The following FCRL5 variants were observed in gnomAD, a reference collection of about 807,000 sequenced individuals.
FCRL5 encodes the protein Fc receptor like 5, also known as Fc receptor-like protein 5.
A neutral mutation model predicts 92.1 loss-of-function variants in FCRL5; 79 were observed. The observed-to-expected ratio is 0.86, with a 90% CI of 0.72 to 1.03. The LOEUF (loss-of-function observed/expected upper bound fraction) is 1.03. Among genes scored for constraint, FCRL5 ranks in the 50% least tolerant of loss-of-function variants. FCRL5 has a pLI of 0.00. For synonymous variants in FCRL5, 466 were observed against 469.3 expected (o/e 0.99, Z 0.09); for missense variants, 1,160 against 1,181.1 (o/e 0.98, Z 0.26).
chr1:157,534,835 C>T lies in FCRL5; in HGVS notation c.1460G>A (p.Gly487Glu). 3 of 1,591,068 alleles carry T rather than the reference C, an allele frequency of 1.9e-6. No homozygotes were observed. The highest frequency in any genetic ancestry group is 1.3e-5 in the African/African-American group (1 of 74,412). The change falls in exon 8 of 17, where the codon GGA becomes GAA. Residue 487 changes from glycine to glutamate, a missense_variant. Transcript: ENST00000361835. ...TTCACAGTGAAGTGTCACAGTGGCT[C>T]CTTCAAAAGTCAGGGCCTCAGCAGA... is the stretch of plus-strand genomic sequence containing the variant. ...LSSAEALTFEGATVTLHCEVQ... is the reference protein window; with the variant it reads ...LSSAEALTFEEATVTLHCEVQ...
At chr1:157,528,062 G>A (rs191938074) in intron 8 of FCRL5, 167 bp from the exon 9 acceptor site, 57 of 750,706 alleles carry the variant, frequency 7.6e-5, no homozygotes, top group African/African-American at 6.8e-4. Context: ...GTATACCTAG[G>A]AAACCCTAAA....
rs535135798 is a variant in FCRL5, at chr1:157,527,892, G to A, written c.1685C>T (p.Pro562Leu). 1 of 1,560,084 alleles carries A rather than the reference G, an allele frequency of 6.4e-7. No homozygotes were observed. The highest frequency in any genetic ancestry group is 1.4e-5 in the African/African-American group (1 of 72,904). Reference protein sequence around the residue: ...SEVVSLFVTVPVSRPILTLRV... With the variant: ...SEVVSLFVTVLVSRPILTLRV... ...GAGGGTGAGGATGGGGCGAGACACT[G>A]GAACTGAGAGAGAAAATGAGTTAGG... Residue 562 changes from proline (P) to leucine (L), a missense_variant, in exon 9 of 17, where the codon CCA becomes CTA. Physicochemically the swap from Pro to Leu is moderately conservative, Grantham distance 98. Coordinates refer to ENST00000361835, the MANE Select transcript of FCRL5 (RefSeq NM_031281.3).
Position 157,527,883 on chromosome 1 carries a change from C to T in FCRL5, c.1694G>A (p.Arg565His), listed in dbSNP as rs376321602. ...GGGAACCCTGAGGGTGAGGATGGGGCGAGACACTGGAACTGAGAGAGAAAA... is the reference window on the plus strand; with the variant it reads ...GGGAACCCTGAGGGTGAGGATGGGGTGAGACACTGGAACTGAGAGAGAAAA... Reference protein sequence around the residue: ...VSLFVTVPVSRPILTLRVPRA... With the variant: ...VSLFVTVPVSHPILTLRVPRA... Residue 565 changes from arginine to histidine, a missense_variant, in exon 9 of 17, where the codon CGC becomes CAC. By Grantham distance (29) the Arg-to-His change is conservative. Transcript: ENST00000361835. 7.3e-5 allele frequency: 115 copies of T among 1,579,862 alleles called. 1 individual carries two copies. The East Asian group carries it at 7.4e-4, about 10-fold the overall frequency.
intron 7 of FCRL5, among the ~76,000 whole-genome samples, chr1:157,535,838 C>T (rs1170188399): frequency 6.6e-6 from 1 of 151,906 alleles, no homozygotes; most frequent in Non-Finnish European, 1.5e-5. Context: ...TTGAGTCACA[C>T]AGCTAGTAAG....
chr1:157,520,357 G>A (rs566644894), intron 12 of FCRL5, 74 bp downstream of exon 12: 1 of 1,059,944 alleles, frequency 9.4e-7, no homozygotes, highest in Non-Finnish European at 1.4e-6. Flanking sequence ...TGGTCACAAA[G>A]GCAGCATGAA....
chr1:157,550,431 G>A (rs767455429), intron 1 of FCRL5, among the ~76,000 whole-genome samples: 1 of 152,132 alleles, frequency 6.6e-6, no homozygotes, highest in Non-Finnish European at 1.5e-5. Context: ...CTCTTTTCAT[G>A]AGATCATTGA....
At chr1:157,518,149 T>C (rs1650011591) in intron 15 of FCRL5, among the ~76,000 whole-genome samples, 1 of 152,178 alleles carries the variant, frequency 6.6e-6, no homozygotes, top group Non-Finnish European at 1.5e-5. Context: ...TCACAGTTTA[T>C]GGATAGGGAT....
At chr1:157,543,980 GA>G (rs34387005) in intron 5 of FCRL5, among the ~76,000 whole-genome samples, 34,036 of 150,416 alleles carry the variant, frequency 0.23, 3,874 homozygotes, top group Middle Eastern at 0.37. Flanking sequence ...GGGCCTAGAA[GA>G]AAAAAAAATG....
chr1:157,527,572 G>A lies in FCRL5; in HGVS notation c.1960+45C>T, dbSNP rs748396010. 8 of 1,526,244 alleles carry A rather than the reference G, an allele frequency of 5.2e-6. No homozygotes were observed. The Admixed American group carries it at 8.1e-5, about 15-fold the overall frequency. The allele number at this position is 1,526,244 out of a possible 1,614,324, so 94.5% of individuals were successfully genotyped here. A position where few individuals can be genotyped will look rare whatever the true frequency, so the allele number is the denominator to read the frequency against. On this transcript the variant is annotated intron_variant, in intron 9 of 16. Transcript: ENST00000361835. ...GATCTTGGCTACTGGTAAAGTTAGG[G>A]GAGATGGTCTTTTTATTTTTGTGCT...
intron 5 of FCRL5, among the ~76,000 whole-genome samples, chr1:157,543,357 T>C (rs1651363534): frequency 6.6e-6 from 1 of 152,242 alleles, no homozygotes; most frequent in Admixed American, 6.5e-5. Context: ...TTCTTTCCTA[T>C]CCCTGTTTAT....
chr1:157,523,259 C>A (rs1435964051), intron 10 of FCRL5, among the ~76,000 whole-genome samples: 1 of 152,228 alleles, frequency 6.6e-6, no homozygotes, highest in Non-Finnish European at 1.5e-5. Flanking sequence ...TCTCGTGTTT[C>A]TCCAGGATAT....
chr1:157,514,993 T>A lies in FCRL5; in HGVS notation c.*682A>T, dbSNP rs975560608. 112 of 154,328 alleles carry A rather than the reference T, an allele frequency of 7.3e-4. No individual in the cohort carries two copies. The highest frequency in any genetic ancestry group is 2.7e-4 in the Non-Finnish European group (19 of 69,422). 9.6% of individuals were successfully genotyped at this position (154,328 alleles called of 1,614,324 possible). On this transcript the variant is annotated 3_prime_UTR_variant, in exon 17 of 17. Transcript: ENST00000361835. The stretch of plus-strand genomic sequence containing the variant: ...GCCTTGACTTGCTGGGTTACTTCTG[T>A]TAGGATGGGAAGAACTTGGGACTTG...
chr1:157,539,235 C>G lies in FCRL5; in HGVS notation c.1253G>C (p.Gly418Ala), dbSNP rs2012199. The G allele has an allele frequency of 1.2e-6, 2 of 1,614,060 alleles. No homozygotes were observed. Among genetic ancestry groups the G allele is most frequent in the Middle Eastern group, 1.6e-4 (1 of 6,062 alleles). The stretch of plus-strand genomic sequence containing the variant: ...GGCCGACCTACGCTCCAGGGCAGCA[C>G]CCTCATGATGAAACTGGTACAGGAT... The part of the protein sequence containing the change: ...LPILYQFHHE[G>A]AALERRSANS... The change falls in exon 7 of 17, where the codon GGT (glycine) becomes GCT (alanine). Residue 418 changes from glycine to alanine, a missense_variant. Coordinates refer to ENST00000361835, the MANE Select transcript of FCRL5 (RefSeq NM_031281.3).
chr1:157,542,665 G>A (rs76197237), intron 6 of FCRL5, 194 bp downstream of exon 6: 24,660 of 657,168 alleles, frequency 0.038, 2,036 homozygotes, highest in African/African-American at 0.24. Flanking sequence ...AGGGGTATAA[G>A]GGCACCTAGA....
At chr1:157,537,524 T>G (rs1292170873) in intron 7 of FCRL5, among the ~76,000 whole-genome samples, 1 of 152,208 alleles carries the variant, frequency 6.6e-6, no homozygotes, top group African/African-American at 2.4e-5. Flanking sequence ...CCCGGTCCTG[T>G]GGTCCTGTGA....
intron 13 of FCRL5, 120 bp downstream of exon 13, chr1:157,519,623 C>T: frequency 9.0e-7 from 1 of 1,115,362 alleles, no homozygotes; most frequent in Non-Finnish European, 1.4e-6. Flanking sequence ...AGGTAGTGGC[C>T]ACACCCCAGC....
rs1650028201 is a variant in FCRL5, at chr1:157,518,450, G to C, written c.2791C>G (p.Gln931Glu). The C allele has an allele frequency of 3.1e-6, 5 of 1,614,074 alleles. No individual in the cohort carries two copies. The highest frequency in any genetic ancestry group is 4.2e-6 in the Non-Finnish European group (5 of 1,179,942). Residue 931 changes from glutamine (Q) to glutamate (E), a missense_variant, in exon 15 of 17, where the codon CAA becomes GAA. By Grantham distance (29) the Gln-to-Glu change is conservative. Transcript: ENST00000361835. ...TTACCTGCATGTTTCTTTTTCTCTT[G>C]GATGATCCGTACTTCTGAGTAAACC... Reference protein sequence around the residue: ...NVVYSEVRIIQEKKKHAVASD... With the variant: ...NVVYSEVRIIEEKKKHAVASD...
At chr1:157,517,660 C>G (rs954473134) in intron 15 of FCRL5, among the ~76,000 whole-genome samples, 2 of 152,230 alleles carry the variant, frequency 1.3e-5, no homozygotes, top group African/African-American at 4.8e-5. Flanking sequence ...GATTTTAGCC[C>G]AGTGAGACCG....
chr1:157,548,210 G>A (rs1316767050), intron 2 of FCRL5, among the ~76,000 whole-genome samples: 1 of 152,256 alleles, frequency 6.6e-6, no homozygotes, highest in Non-Finnish European at 1.5e-5. Flanking sequence ...GGGAGGGTCA[G>A]AGGGTGACCA....
Sources: gnomAD v4.1 joint callset for allele counts (sites outside exome capture counted in the v4.1 genomes callset) on GRCh38, gnomAD v4.1.1 for gene constraint, MANE v1.5 for transcripts, NCBI Gene and HGNC (gene_info 2026-07-23, HGNC 2026-07-21) for gene names.